ERN1: variants seen among roughly 807,000 people sequenced by gnomAD.
The protein encoded by ERN1 is endoplasmic reticulum to nucleus signaling 1.
A neutral mutation model predicts 113.1 loss-of-function variants in ERN1; 39 were observed. The observed-to-expected ratio is 0.34, with a 90% CI of 0.27 to 0.45. The LOEUF (loss-of-function observed/expected upper bound fraction) is 0.45, where lower values mean the gene tolerates loss of function less well. ERN1 is among the 20% of genes least tolerant of loss of function. ERN1 has a pLI of 1.00. For missense variants in ERN1, 976 were observed against 1,274.8 expected (o/e 0.77, Z 3.57); for synonymous variants, 507 against 515.9 (o/e 0.98, Z 0.23).
Position 64,044,646 on chromosome 17 carries a change from T to C in ERN1, c.2721+214A>G, listed in dbSNP as rs1448087373. Among the ~76,000 whole-genome samples the C allele has an allele frequency of 1.3e-5, 2 of 152,240 alleles. No individual in the cohort carries two copies. Among genetic ancestry groups the C allele is most frequent in the African/African-American group, 4.8e-5 (2 of 41,464 alleles). ...AGGGACATGGGCCGCAGAGCACTGC[T>C]TCCCGGAGCTTCACCTGCACCTACG... On this transcript the variant is annotated intron_variant, in intron 21 of 21. Coordinates refer to ENST00000433197, the MANE Select transcript of ERN1 (RefSeq NM_001433.5). The surrounding 1 kb of genome is among the most constrained non-coding windows in gnomAD (Gnocchi z 4.1).
intron 13 of ERN1, 134 bp downstream of exon 13, chr17:64,055,541 C>A (rs925055359): frequency 2.3e-6 from 2 of 864,464 alleles, no homozygotes; most frequent in Non-Finnish European, 3.3e-6. Flanking sequence ...ACAGAGACCC[C>A]CAGAGTGGAA....
intron 1 of ERN1, among the ~76,000 whole-genome samples, chr17:64,127,118 G>A (rs576116644): frequency 6.6e-6 from 1 of 152,212 alleles, no homozygotes; most frequent in Non-Finnish European, 1.5e-5. Flanking sequence ...ACAAAAGACA[G>A]CCTCAAGTGC....
rs771311151 is a variant in ERN1, at chr17:64,043,113, G to A, written c.*875C>T. On this transcript the variant is annotated 3_prime_UTR_variant, in exon 22 of 22. Transcript: ENST00000433197. ...AGGGCTTTCTCCTGGTGACCAGGAG[G>A]GTCCCATTCGGCGGCCTCCCTCTGG... 1 of 152,320 alleles carries A rather than the reference G, an allele frequency of 6.6e-6. No homozygotes were observed. Among genetic ancestry groups the A allele is most frequent in the Non-Finnish European group, 1.5e-5 (1 of 68,088 alleles). 9.4% of individuals were successfully genotyped at this position (152,320 alleles called of 1,614,324 possible). A position where few individuals can be genotyped will look rare whatever the true frequency, so the allele number is the denominator to read the frequency against.
At chr17:64,086,927 T>A (rs982606559) in intron 2 of ERN1, among the ~76,000 whole-genome samples, 3 of 152,052 alleles carry the variant, frequency 2.0e-5, no homozygotes, top group Non-Finnish European at 4.4e-5. Context: ...TATAGGTGTG[T>A]GCCCAGCCTA....
At chr17:64,089,176 G>A (rs560094643) in intron 2 of ERN1, among the ~76,000 whole-genome samples, 16 of 151,852 alleles carry the variant, frequency 1.1e-4, no homozygotes, top group East Asian at 1.9e-4. Context: ...AAAATTAGCC[G>A]GGCATGGTGG....
chr17:64,049,993 G>A lies in ERN1; in HGVS notation c.2254-791C>T, dbSNP rs1912632179. 6.6e-6 allele frequency among the ~76,000 whole-genome samples: 1 copy of A among 152,112 alleles called. No homozygotes were observed. Among genetic ancestry groups the A allele is most frequent in the African/African-American group, 2.4e-5 (1 of 41,402 alleles). The stretch of plus-strand genomic sequence containing the variant: ...GGGCTCATCACCTCCCATGCTGGAG[G>A]AGACACACCTTGAACAACACAGCAC... On this transcript the variant is annotated intron_variant, in intron 17 of 21. Coordinates refer to ENST00000433197, the MANE Select transcript of ERN1 (RefSeq NM_001433.5). The surrounding 1 kb of genome is among the most constrained non-coding windows in gnomAD (Gnocchi z 4.7).
At chr17:64,126,975 G>A (rs764428045) in intron 1 of ERN1, among the ~76,000 whole-genome samples, 1 of 152,170 alleles carries the variant, frequency 6.6e-6, no homozygotes, top group Non-Finnish European at 1.5e-5. Context: ...GTAATTGAGA[G>A]ATGTGGCACC....
intron 2 of ERN1, among the ~76,000 whole-genome samples, chr17:64,095,986 T>C (rs1914218677): frequency 1.3e-5 from 2 of 152,240 alleles, no homozygotes; most frequent in Admixed American, 6.5e-5. Flanking sequence ...GTTACAGGAC[T>C]CGGCTGTGTT....
intron 2 of ERN1, among the ~76,000 whole-genome samples, chr17:64,081,261 CTAACTT>C (rs1913758075): frequency 6.6e-6 from 1 of 152,174 alleles, no homozygotes; most frequent in African/African-American, 2.4e-5. Flanking sequence ...GGTTTAAGAA[CTAACTT>C]TGATTGGCCA....
At chr17:64,075,105 G>A (rs950983127) in intron 5 of ERN1, 70 bp downstream of exon 5, 6 of 1,295,304 alleles carry the variant, frequency 4.6e-6, no homozygotes, top group East Asian at 2.5e-5. Flanking sequence ...CTCTCTCTCC[G>A]CATGCCACTT....
intron 17 of ERN1, among the ~76,000 whole-genome samples, chr17:64,050,472 T>A (rs1912647543): frequency 6.6e-6 from 1 of 152,122 alleles, no homozygotes; most frequent in Non-Finnish European, 1.5e-5. Flanking sequence ...AAGTCTGAGG[T>A]AAGCTGAATC....
intron 17 of ERN1, among the ~76,000 whole-genome samples, chr17:64,050,856 T>C (rs568388616): frequency 1.3e-5 from 2 of 152,332 alleles, no homozygotes; most frequent in East Asian, 3.9e-4. Flanking sequence ...TTTGATGATC[T>C]GACCAGCTGC....
At chr17:64,093,922 A>G (rs374911667) in intron 2 of ERN1, among the ~76,000 whole-genome samples, 29 of 152,296 alleles carry the variant, frequency 1.9e-4, no homozygotes, top group African/African-American at 7.0e-4. Context: ...TGCTTGAGAA[A>G]TCGATGAAGG....
rs113479922 is a variant in ERN1, at chr17:64,075,260, A to AAAAG, written c.283-14_283-13insCTTT. 11,682 of 1,492,526 alleles carry AAAAG rather than the reference A, an allele frequency of 7.8e-3. 635 individuals carry two copies. The African/African-American group carries it at 0.15, about 19-fold the overall frequency. The allele number at this position is 1,492,526 out of a possible 1,614,324, so 92.5% of individuals were successfully genotyped here. ...TAAAAGGAAGTTTCTTTAAAAAAAAAAAAAAAGAAAAAAAAAAGTTAACCA... is the reference window on the plus strand; with the variant it reads ...TAAAAGGAAGTTTCTTTAAAAAAAAAAAAGAAAAAAGAAAAAAAAAAGTTAACCA... On this transcript the variant is annotated splice_polypyrimidine_tract_variant and intron_variant, in intron 4 of 21. Transcript: ENST00000433197.
At chr17:64,093,133 CA>C (rs940848576) in intron 2 of ERN1, among the ~76,000 whole-genome samples, 76 of 139,934 alleles carry the variant, frequency 5.4e-4, no homozygotes, top group Middle Eastern at 3.6e-3. Context: ...CCACAGAAAG[CA>C]AAAAAAAAAA....
rs1912350755 is a variant in ERN1 at position 64,041,918 on chromosome 17, C to T, written c.*2070G>A. The T allele has an allele frequency of 1.3e-5, 2 of 152,216 alleles. No individual in the cohort carries two copies. Among genetic ancestry groups the T allele is most frequent in the Non-Finnish European group, 1.5e-5 (1 of 68,046 alleles). The allele number at this position is 152,216 out of a possible 1,614,324, so 9.4% of individuals were successfully genotyped here. ...TGATAAGCAGAAAAGGCATCGGAAA[C>T]AGTTGTCTCTAGGCAAGTGGGGCTA... On this transcript the variant is annotated 3_prime_UTR_variant, in exon 22 of 22. Coordinates refer to ENST00000433197, the MANE Select transcript of ERN1 (RefSeq NM_001433.5).
chr17:64,079,876 T>C (rs1913714608), intron 3 of ERN1, 142 bp from the exon 4 acceptor site: 1 of 614,874 alleles, frequency 1.6e-6, no homozygotes, highest in South Asian at 2.0e-5. Context: ...TATAAGACAA[T>C]TCCACCCACT....
chr17:64,122,196 C>G (rs1459544105), intron 1 of ERN1, among the ~76,000 whole-genome samples: 1 of 152,222 alleles, frequency 6.6e-6, no homozygotes, highest in Non-Finnish European at 1.5e-5. Flanking sequence ...ACACATGACC[C>G]TGGACAGGTT....
At position 64,044,378 on chromosome 17, in the gene ERN1, C is replaced by T. The variant is rs1247006972; in HGVS notation, c.2722-178G>A. ...CCAGCCCCGTCATCTCGCCTGCTAC[C>T]CTCACTCAGGAGGAGGCCTTGAAGT... On this transcript the variant is annotated intron_variant, in intron 21 of 21. Transcript: ENST00000433197. The surrounding 1 kb of genome is among the most constrained non-coding windows in gnomAD (Gnocchi z 4.1). Among the ~76,000 whole-genome samples, 1 of 152,146 alleles carries T rather than the reference C, an allele frequency of 6.6e-6. No homozygotes were observed. Among genetic ancestry groups the T allele is most frequent in the African/African-American group, 2.4e-5 (1 of 41,416 alleles).
Sources: allele counts gnomAD v4.1 joint callset (sites outside exome capture counted in the v4.1 genomes callset), GRCh38; gene constraint gnomAD v4.1.1; non-coding constraint Gnocchi (gnomAD v3.1); transcripts MANE v1.5; gene names NCBI Gene and HGNC (gene_info 2026-07-23, HGNC 2026-07-21).